ATP6V1B1: variants seen among roughly 807,000 people sequenced by gnomAD.
ATP6V1B1 encodes the protein V-type proton ATPase subunit B, kidney isoform.
Under a neutral mutation model 62.1 loss-of-function variants are expected in ATP6V1B1, and 41 were observed. The ratio of observed to expected loss-of-function variants is 0.66; its 90% confidence interval spans 0.51 to 0.86. ATP6V1B1 has a LOEUF of 0.86. Ranked by LOEUF, ATP6V1B1 falls within the 40% of genes least tolerant of loss-of-function variation. ATP6V1B1 has a pLI of 0.00. For synonymous variants in ATP6V1B1, 253 were observed against 273.4 expected (o/e 0.93, Z 0.74); for missense variants, 651 against 697.5 (o/e 0.93, Z 0.75).
intron 1 of ATP6V1B1, among the ~76,000 whole-genome samples, chr2:70,937,304 G>C (rs926356330): frequency 1.1e-4 from 16 of 152,092 alleles, no homozygotes; most frequent in Non-Finnish European, 2.4e-4. Context: ...GGTAGCTGAG[G>C]GGTGAAATCA....
chr2:70,938,913 C>A, intron 1 of ATP6V1B1: 1 of 516,038 alleles, frequency 1.9e-6, no homozygotes, highest in Non-Finnish European at 2.5e-6. Context: ...AAACCACTGT[C>A]TTTGCCTCCC....
At position 70,963,668 on chromosome 2, in the gene ATP6V1B1, C is replaced by G; in HGVS notation, c.1143+14C>G. On this transcript the variant is annotated intron_variant, in intron 11 of 13. Coordinates refer to ENST00000234396, the MANE Select transcript of ATP6V1B1 (RefSeq NM_001692.4). This position sits in a 1 kb window ranked among gnomAD's most constrained non-coding sequence, Gnocchi z 4.3. ...CACAACAGACAGGTACTGCCCTGTC[C>G]CTACCCACTTCCTGCTCTCAGCCCA... The G allele has an allele frequency of 6.2e-7, 1 of 1,609,334 alleles. No individual in the cohort carries two copies.
intron 2 of ATP6V1B1, among the ~76,000 whole-genome samples, chr2:70,948,906 G>A (rs1488390217): frequency 1.3e-5 from 2 of 152,122 alleles, no homozygotes; most frequent in Non-Finnish European, 1.5e-5. Context: ...ACCTTGCTGG[G>A]GAATTGGACC....
In ATP6V1B1 at chr2:70,936,111, G is replaced by A. The variant is rs782643928; in HGVS notation, c.118+39G>A. Reference sequence around the variant, plus strand: ...CCACCGTGACGGGTGAGGTCAGGGTGGGGAGCTGGGGTGGGCTGCCAGGTT... The same window carrying A: ...CCACCGTGACGGGTGAGGTCAGGGTAGGGAGCTGGGGTGGGCTGCCAGGTT... On this transcript the variant is annotated intron_variant, in intron 1 of 13. Transcript: ENST00000234396. 1.6e-5 allele frequency: 26 copies of A among 1,601,438 alleles called. No individual in the cohort carries two copies. The South Asian group carries it at 2.9e-4, about 18-fold the overall frequency.
rs200839517 is a variant in ATP6V1B1, at chr2:70,962,781, G to A, written c.790G>A (p.Glu264Lys). 6.8e-6 allele frequency: 11 copies of A among 1,613,660 alleles called. No individual in the cohort carries two copies. Among genetic ancestry groups the A allele is most frequent in the Admixed American group, 1.7e-5 (1 of 60,010 alleles). ...FLNLANDPTI[E>K]RIITPRLALT... ...AACACCTGGCTACACCTCCAGGATC[G>A]AGCGGATCATCACCCCGCGCCTGGC... is the stretch of plus-strand genomic sequence containing the variant. Residue 264 changes from glutamate to lysine, a missense_variant, in exon 9 of 14, where the codon GAG (glutamate) becomes AAG (lysine). Glu to Lys is a moderately conservative substitution (Grantham distance 56, BLOSUM62 1). Transcript: ENST00000234396.
rs377280267 is a variant in ATP6V1B1, at chr2:70,958,328, C to T, written c.274-5C>T. On this transcript the variant is annotated splice_region_variant and splice_polypyrimidine_tract_variant and intron_variant, in intron 3 of 13. Coordinates refer to ENST00000234396, the MANE Select transcript of ATP6V1B1 (RefSeq NM_001692.4). ...TAGTGGAGAAACTCCCTCTTGTTCC[C>T]ACAGGTGTTTGAAGGGACATCAGGG... 6.2e-7 allele frequency: 1 copy of T among 1,613,990 alleles called. No homozygotes were observed. Among genetic ancestry groups the T allele is most frequent in the Non-Finnish European group, 8.5e-7 (1 of 1,179,986 alleles).
rs1680625644 is a variant in ATP6V1B1, at chr2:70,962,902, T to C, written c.909+2T>C. ...TCCTATGCAGAGGCCTTGCGGGAGG[T>C]AAGCTGGCTAGCAAGGGGTGTCAGA... On this transcript the variant is annotated splice_donor_variant, in intron 9 of 13. Coordinates refer to ENST00000234396, the MANE Select transcript of ATP6V1B1 (RefSeq NM_001692.4). LOFTEE classifies it high-confidence loss of function. The C allele has an allele frequency of 1.2e-6, 2 of 1,613,658 alleles. No homozygotes were observed. The highest frequency in any genetic ancestry group is 1.7e-6 in the Non-Finnish European group (2 of 1,179,982).
Position 70,964,731 on chromosome 2 carries a change from C to A in ATP6V1B1, c.1249-5C>A. ...GCGGCCACCGACGCCTTGCCCCTCC[C>A]CCAGTACGCCTGCTATGCCATCGGG... is the stretch of plus-strand genomic sequence containing the variant. On this transcript the variant is annotated splice_region_variant and splice_polypyrimidine_tract_variant and intron_variant, in intron 12 of 13. Transcript: ENST00000234396. The A allele has an allele frequency of 1.2e-6, 2 of 1,613,696 alleles. No individual in the cohort carries two copies. The highest frequency in any genetic ancestry group is 2.2e-5 in the South Asian group (2 of 91,082).
intron 2 of ATP6V1B1, chr2:70,947,502 G>A (rs1169704054): frequency 6.6e-6 from 1 of 152,158 alleles, no homozygotes; most frequent in Non-Finnish European, 1.5e-5. Context: ...ATTCAAATTG[G>A]TCCCTGTTTG....
In ATP6V1B1 at chr2:70,948,907, G is replaced by A. The variant is rs138274193; in HGVS notation, c.174+5194G>A. On this transcript the variant is annotated intron_variant, in intron 2 of 13. Coordinates refer to ENST00000234396, the MANE Select transcript of ATP6V1B1 (RefSeq NM_001692.4). ...CCCTACTTGGTCACACCTTGCTGGG[G>A]AATTGGACCCTCCGCCCCAACCCGC... 1.7e-3 allele frequency among the ~76,000 whole-genome samples: 266 copies of A among 152,274 alleles called. 5 individuals are homozygous for A. The East Asian group carries it at 0.043, about 25-fold the overall frequency.
chr2:70,946,711 C>A (rs1024765), intron 2 of ATP6V1B1, among the ~76,000 whole-genome samples: 23,838 of 152,184 alleles, frequency 0.16, 2,191 homozygotes, highest in East Asian at 0.47. Flanking sequence ...AAGCCTGATT[C>A]AACAGTTGGT....
At chr2:70,964,192 T>C (rs1680659851) in intron 11 of ATP6V1B1, 1 of 422,956 alleles carries the variant, frequency 2.4e-6, no homozygotes, top group Admixed American at 4.1e-5. Context: ...TCAAAAGTTT[T>C]GAAATACTGA....
intron 2 of ATP6V1B1, among the ~76,000 whole-genome samples, chr2:70,955,192 A>G (rs530890510): frequency 1.8e-4 from 27 of 152,168 alleles, no homozygotes; most frequent in Admixed American, 6.5e-4. Context: ...TTTCTGAGAT[A>G]GGGTTTCACT....
At position 70,944,817 on chromosome 2, in the gene ATP6V1B1, C is replaced by T. The variant is rs369500957; in HGVS notation, c.174+1104C>T. 6.6e-5 allele frequency among the ~76,000 whole-genome samples: 10 copies of T among 152,116 alleles called. No homozygotes were observed. The East Asian group carries it at 1.3e-3, about 21-fold the overall frequency. On this transcript the variant is annotated intron_variant, in intron 2 of 13. Coordinates refer to ENST00000234396, the MANE Select transcript of ATP6V1B1 (RefSeq NM_001692.4). ...CCGAGTAGCTGGGACTACAGGCACCCGCTACCACGCCCAGCTGATTATTTG... is the reference window on the plus strand; with the variant it reads ...CCGAGTAGCTGGGACTACAGGCACCTGCTACCACGCCCAGCTGATTATTTG...
intron 6 of ATP6V1B1, 68 bp from the exon 7 acceptor site, chr2:70,960,853 G>A: frequency 7.3e-7 from 1 of 1,378,190 alleles, no homozygotes; most frequent in South Asian, 1.2e-5. Context: ...CCATGAGCCA[G>A]TGGTGCTCAG....
At position 70,938,482 on chromosome 2, in the gene ATP6V1B1, C is replaced by T. The variant is rs140251103; in HGVS notation, c.118+2410C>T. On this transcript the variant is annotated intron_variant, in intron 1 of 13. Coordinates refer to ENST00000234396, the MANE Select transcript of ATP6V1B1 (RefSeq NM_001692.4). ...CTAAGGGCAGGGAGGCCCCAGTGCT[C>T]GCTGGGCCACGGTGGAGGTGAGTCC... 7.4e-3 allele frequency: 6,891 copies of T among 936,996 alleles called. 47 individuals are homozygous for T. The highest frequency in any genetic ancestry group is 0.019 in the South Asian group (376 of 20,274). The allele number at this position is 936,996 out of a possible 1,614,324, so 58.0% of individuals were successfully genotyped here. A position where few individuals can be genotyped will look rare whatever the true frequency, so the allele number is the denominator to read the frequency against.
At chr2:70,961,074 T>C in intron 7 of ATP6V1B1, 52 bp downstream of exon 7, 1 of 1,526,160 alleles carries the variant, frequency 6.6e-7, no homozygotes. Flanking sequence ...GCAGGCAGCC[T>C]GTCTCCCTCA....
chr2:70,949,921 T>G (rs555836716), intron 2 of ATP6V1B1, among the ~76,000 whole-genome samples: 3 of 152,362 alleles, frequency 2.0e-5, no homozygotes, highest in Admixed American at 6.5e-5. Flanking sequence ...ACATTGCTCA[T>G]CTGTCTTTTA....
intron 11 of ATP6V1B1, 39 bp from the exon 12 acceptor site, chr2:70,964,399 A>T: frequency 6.2e-7 from 1 of 1,601,566 alleles, no homozygotes; most frequent in Non-Finnish European, 8.6e-7. Flanking sequence ...GCAAAGCTTG[A>T]GTCCTGCTGT....
Sources: allele counts gnomAD v4.1 joint callset (sites outside exome capture counted in the v4.1 genomes callset), GRCh38; gene constraint gnomAD v4.1.1; non-coding constraint Gnocchi (gnomAD v3.1); transcripts MANE v1.5; gene names NCBI Gene and HGNC (gene_info 2026-07-23, HGNC 2026-07-21).